The following PRUNE2 variants were observed in gnomAD, a reference collection of about 807,000 sequenced individuals.
PRUNE2 encodes prune homolog 2 with BCH domain.
PRUNE2 carries 164 observed loss-of-function variants against 252.0 expected under a neutral mutation model. The observed-to-expected ratio is 0.65, with a 90% CI of 0.57 to 0.74. The LOEUF is 0.74. Among genes scored for constraint, PRUNE2 ranks in the 30% least tolerant of loss-of-function variants. The pLI, the probability that PRUNE2 is intolerant of heterozygous loss-of-function variation, is 0.00. For missense variants in PRUNE2, 3,495 were observed against 3,711.0 expected (o/e 0.94, Z 1.51); for synonymous variants, 1,292 against 1,350.2 (o/e 0.96, Z 0.94).
At chr9:76,821,141 T>C (rs1053869337) in intron 6 of PRUNE2, among the ~76,000 whole-genome samples, 5 of 152,168 alleles carry the variant, frequency 3.3e-5, no homozygotes, top group Non-Finnish European at 5.9e-5. Flanking sequence ...TAGCTAGAGT[T>C]CAGAGGGTGG....
intron 16 of PRUNE2, chr9:76,624,931 C>T (rs1834022918): frequency 1.3e-6 from 1 of 753,056 alleles, no homozygotes; most frequent in Non-Finnish European, 2.0e-6. Flanking sequence ...ACAGTGACCT[C>T]TTGCTCTGGT....
chr9:76,624,608 CTG>C, intron 16 of PRUNE2, 118 bp from the exon 17 acceptor site: 1 of 615,654 alleles, frequency 1.6e-6, no homozygotes, highest in South Asian at 5.2e-5. Flanking sequence ...CTTTTCGAAA[CTG>C]TCTTCTGGAG....
intron 6 of PRUNE2, among the ~76,000 whole-genome samples, chr9:76,812,079 G>A (rs927929678): frequency 1.3e-5 from 2 of 152,160 alleles, no homozygotes; most frequent in Non-Finnish European, 1.5e-5. Flanking sequence ...CAGAACTCAC[G>A]GGTATAGTCC....
rs541028661 is a variant in PRUNE2 at position 76,727,223 on chromosome 9, A to T, written c.757-13502T>A. Among the ~76,000 whole-genome samples, 5 of 152,190 alleles carry T rather than the reference A, an allele frequency of 3.3e-5. No individual in the cohort carries two copies. The South Asian group carries it at 8.3e-4, about 25-fold the overall frequency. On this transcript the variant is annotated intron_variant, in intron 6 of 18. Transcript: ENST00000376718. ...GTGGGGCAAAATCACCCCAGTTAAGAACCACTGCTTTAGAGAAAAACAGCA... is the reference window on the plus strand; with the variant it reads ...GTGGGGCAAAATCACCCCAGTTAAGTACCACTGCTTTAGAGAAAAACAGCA...
chr9:76,764,428 T>G (rs373979907), intron 6 of PRUNE2: 50 of 152,100 alleles, frequency 3.3e-4, no homozygotes, highest in Admixed American at 1.1e-3. Context: ...GAAGTCAGAG[T>G]GTTCCAGACA....
chr9:76,624,172 C>A (rs2132116271), intron 17 of PRUNE2, among the ~76,000 whole-genome samples: 1 of 152,158 alleles, frequency 6.6e-6, no homozygotes, highest in South Asian at 2.1e-4. Context: ...TGTGGCAGTG[C>A]CTGTGATGTG....
chr9:76,637,058 T>C (rs1840488746), intron 14 of PRUNE2, among the ~76,000 whole-genome samples: 1 of 151,810 alleles, frequency 6.6e-6, no homozygotes, highest in South Asian at 2.1e-4. Flanking sequence ...GGTAGGAAGA[T>C]ATAGAATGGC....
chr9:76,686,482 G>T (rs370504792), intron 9 of PRUNE2, among the ~76,000 whole-genome samples: 2 of 152,054 alleles, frequency 1.3e-5, no homozygotes, highest in South Asian at 2.1e-4. Context: ...TTGTGACAGG[G>T]TCTCACTCTG....
intron 6 of PRUNE2, among the ~76,000 whole-genome samples, chr9:76,775,535 A>T (rs1449535367): frequency 6.6e-6 from 1 of 152,070 alleles, no homozygotes; most frequent in Non-Finnish European, 1.5e-5. Context: ...TTCTCAGCTT[A>T]AGCAATCTGC....
chr9:76,644,882 T>C lies in PRUNE2; in HGVS notation c.8585A>G (p.Gln2862Arg), dbSNP rs1401197715. Residue 2862 changes from glutamine to arginine, a missense_variant, in exon 12 of 19, where the codon CAA (glutamine) becomes CGA (arginine). By Grantham distance (43) the Gln-to-Arg change is conservative (BLOSUM62 1). Coordinates refer to ENST00000376718, the MANE Select transcript of PRUNE2 (RefSeq NM_015225.3). ...ATATTCTGGAATAGACTCTGACTCT[T>C]GGCCAGAATCTTTGTTGGCTGTGGG... Reference protein sequence around the residue: ...HDPTANKDSGQESESIPEYTA... With the variant: ...HDPTANKDSGRESESIPEYTA... 1.2e-6 allele frequency: 2 copies of C among 1,613,840 alleles called. No individual in the cohort carries two copies. The highest frequency in any genetic ancestry group is 2.2e-5 in the South Asian group (2 of 91,072).
At chr9:76,882,525 G>A (rs1011647966) in intron 1 of PRUNE2, among the ~76,000 whole-genome samples, 1 of 152,148 alleles carries the variant, frequency 6.6e-6, no homozygotes, top group Admixed American at 6.5e-5. Flanking sequence ...TCAGCTTCCA[G>A]GGAGGCCTCA....
At chr9:76,889,095 C>G (rs2062295543) in intron 1 of PRUNE2, among the ~76,000 whole-genome samples, 1 of 152,112 alleles carries the variant, frequency 6.6e-6, no homozygotes, top group Non-Finnish European at 1.5e-5. Context: ...AGGTGATCCA[C>G]CCACCTCAGC....
At chr9:76,636,973 ATGTGTGTG>A (rs71354667) in intron 14 of PRUNE2, among the ~76,000 whole-genome samples, 2 of 145,406 alleles carry the variant, frequency 1.4e-5, no homozygotes, top group South Asian at 2.2e-4. Flanking sequence ...AACAACAAAA[ATGTGTGTG>A]TGTGTGTGTG....
At chr9:76,677,094 G>T (rs547081763) in intron 9 of PRUNE2, among the ~76,000 whole-genome samples, 1 of 152,184 alleles carries the variant, frequency 6.6e-6, no homozygotes, top group Admixed American at 6.5e-5. Flanking sequence ...TTCGCAATAG[G>T]TTGATTTAAA....
At chr9:76,791,846 A>G (rs943060708) in intron 6 of PRUNE2, among the ~76,000 whole-genome samples, 2 of 152,192 alleles carry the variant, frequency 1.3e-5, no homozygotes, top group Non-Finnish European at 2.9e-5. Flanking sequence ...GGGAGGGGGA[A>G]AGAATCCGAA....
chr9:76,619,872 A>G lies in PRUNE2; in HGVS notation c.9189-485T>C, dbSNP rs573738971. ...TCCTCATTGTTGTTGTTACAGAAAT[A>G]ACAGGACACTTACCACTCCATACAG... On this transcript the variant is annotated intron_variant, in intron 17 of 18. Coordinates refer to ENST00000376718, the MANE Select transcript of PRUNE2 (RefSeq NM_015225.3). 2.0e-5 allele frequency among the ~76,000 whole-genome samples: 3 copies of G among 152,360 alleles called. No homozygotes were observed. The South Asian group carries it at 6.2e-4, about 32-fold the overall frequency.
chr9:76,747,054 T>C (rs1361238801), intron 6 of PRUNE2, among the ~76,000 whole-genome samples: 1 of 152,176 alleles, frequency 6.6e-6, no homozygotes, highest in African/African-American at 2.4e-5. Context: ...GAACCTGAAG[T>C]AGGAGGTGGT....
intron 6 of PRUNE2, among the ~76,000 whole-genome samples, chr9:76,718,135 T>G (rs1026274350): frequency 1.1e-4 from 16 of 152,210 alleles, no homozygotes; most frequent in African/African-American, 3.9e-4. Flanking sequence ...GATTACTCCA[T>G]TCACAGCTGA....
chr9:76,737,972 C>A (rs1362572948), intron 6 of PRUNE2: 1 of 152,160 alleles, frequency 6.6e-6, no homozygotes, highest in Non-Finnish European at 1.5e-5. Context: ...GAGCCTAAGA[C>A]TTCTTCTTTT....
Sources: gnomAD v4.1 joint callset for allele counts (sites outside exome capture counted in the v4.1 genomes callset) on GRCh38, gnomAD v4.1.1 for gene constraint, MANE v1.5 for transcripts, NCBI Gene and HGNC (gene_info 2026-07-23, HGNC 2026-07-21) for gene names.